The following SLC9D1 variants were observed in gnomAD, a reference collection of about 807,000 sequenced individuals.
SLC9D1 encodes solute carrier family 9 member D1.
At chr13:113,547,805 A>C in the SLC9D1 span, among the ~76,000 whole-genome samples, 1 of 152,208 alleles carries the variant, frequency 6.6e-6, no homozygotes, top group East Asian at 1.9e-4. Flanking sequence ...GTCAGCAACC[A>C]GTGGCTTTCT....
At chr13:113,538,768 G>A in the SLC9D1 span, among the ~76,000 whole-genome samples, 2 of 152,268 alleles carry the variant, frequency 1.3e-5, no homozygotes, top group African/African-American at 2.4e-5. Context: ...AGGTTGGCCG[G>A]TGTCAGCCGT....
the SLC9D1 span, among the ~76,000 whole-genome samples, chr13:113,516,695 T>C: frequency 6.6e-6 from 1 of 152,180 alleles, no homozygotes; most frequent in South Asian, 2.1e-4. Flanking sequence ...TACATGGATT[T>C]TGATGCAAAT....
At chr13:113,495,682 A>G in the SLC9D1 span, 12 of 1,611,812 alleles carry the variant, frequency 7.4e-6, no homozygotes, top group Non-Finnish European at 1.0e-5. Context: ...CGTGTGATCA[A>G]ACTGCACCGC....
the SLC9D1 span, chr13:113,499,999 A>G: frequency 3.2e-6 from 5 of 1,566,780 alleles, no homozygotes; most frequent in Non-Finnish European, 4.3e-6. Flanking sequence ...GGGTGGAGGA[A>G]GAAGAGGCCA....
chr13:113,535,260 G>C, the SLC9D1 span: 1 of 152,226 alleles, frequency 6.6e-6, no homozygotes, highest in South Asian at 2.1e-4. This position sits in a 1 kb window ranked among gnomAD's most constrained non-coding sequence, Gnocchi z 4.1. Flanking sequence ...CATGTGAAAG[G>C]TTAAAAAATA....
chr13:113,545,190 C>T, the SLC9D1 span, among the ~76,000 whole-genome samples: 1 of 152,264 alleles, frequency 6.6e-6, no homozygotes, highest in Non-Finnish European at 1.5e-5. Context: ...GCGTCCTTAG[C>T]AGCCCTGAAC....
chr13:113,506,344 T>TGGG, the SLC9D1 span, among the ~76,000 whole-genome samples: 5 of 89,870 alleles, frequency 5.6e-5, no homozygotes, highest in Admixed American at 4.7e-4. Flanking sequence ...TAAGGGGGTG[T>TGGG]CAGCCAGTGG....
the SLC9D1 span, chr13:113,520,545 A>C: frequency 7.5e-6 from 8 of 1,071,106 alleles, no homozygotes; most frequent in Admixed American, 1.6e-4. Flanking sequence ...AAGTGTGTAC[A>C]ATGGCAATAT....
chr13:113,493,836 G>T, the SLC9D1 span, among the ~76,000 whole-genome samples: 1 of 152,190 alleles, frequency 6.6e-6, no homozygotes, highest in Admixed American at 6.5e-5. Flanking sequence ...ACCTGCTGGG[G>T]TGCAGACAGT....
At chr13:113,520,483 CAAAAAAA>C in the SLC9D1 span, 9 of 366,488 alleles carry the variant, frequency 2.5e-5, no homozygotes, top group South Asian at 2.4e-4. Context: ...AACTCCATCT[CAAAAAAA>C]AAAAAAAAAA....
chr13:113,523,054 G>A, the SLC9D1 span, among the ~76,000 whole-genome samples: 28,072 of 151,544 alleles, frequency 0.19, 3,436 homozygotes, highest in African/African-American at 0.35. Flanking sequence ...GCTGCCTTCA[G>A]TTTGCTAATT....
At chr13:113,535,604 G>A in the SLC9D1 span, among the ~76,000 whole-genome samples, 1 of 152,160 alleles carries the variant, frequency 6.6e-6, no homozygotes, top group Non-Finnish European at 1.5e-5. The surrounding 1 kb of genome is among the most constrained non-coding windows in gnomAD (Gnocchi z 4.1). Context: ...TCCATACCAC[G>A]GAACGCCACC....
chr13:113,517,864 G>C, the SLC9D1 span, among the ~76,000 whole-genome samples: 4 of 150,202 alleles, frequency 2.7e-5, no homozygotes, highest in African/African-American at 4.9e-5. Flanking sequence ...CTTGTGGGGA[G>C]TGTGGGTGGA....
chr13:113,498,311 A>G, the SLC9D1 span: 1 of 1,460,968 alleles, frequency 6.8e-7, no homozygotes, highest in Admixed American at 2.6e-5. Flanking sequence ...TTCTTAATAT[A>G]TCTCACTCTT....
At chr13:113,548,529 G>C in the SLC9D1 span, 1 of 1,503,974 alleles carries the variant, frequency 6.6e-7, no homozygotes, top group Non-Finnish European at 8.9e-7. Flanking sequence ...TGTGGCGAAG[G>C]CGGCTCGGCA....
chr13:113,502,944 C>A, the SLC9D1 span, among the ~76,000 whole-genome samples: 202 of 152,340 alleles, frequency 1.3e-3, 2 homozygotes, highest in African/African-American at 4.7e-3. Context: ...GGCTGGCCGG[C>A]AGAGGAGCCG....
At chr13:113,503,345 TTGTG>T in the SLC9D1 span, 95,643 of 470,604 alleles carry the variant, frequency 0.2, 4,081 homozygotes, top group East Asian at 0.3. Flanking sequence ...CACTGTGTGA[TTGTG>T]TGTGTGTGTG....
At chr13:113,522,353 T>TTGC in the SLC9D1 span, among the ~76,000 whole-genome samples, 2 of 152,232 alleles carry the variant, frequency 1.3e-5, no homozygotes, top group African/African-American at 4.8e-5. Context: ...GTTGTTGTTG[T>TTGC]TGTTTGAGAC....
chr13:113,535,258 A>G, the SLC9D1 span: 1 of 152,356 alleles, frequency 6.6e-6, no homozygotes, highest in Non-Finnish European at 1.5e-5. The surrounding 1 kb of genome is among the most constrained non-coding windows in gnomAD (Gnocchi z 4.1). Context: ...GCCATGTGAA[A>G]GGTTAAAAAA....
Sources: allele counts gnomAD v4.1 joint callset (sites outside exome capture counted in the v4.1 genomes callset), GRCh38; gene constraint gnomAD v4.1.1; non-coding constraint Gnocchi (gnomAD v3.1); transcripts MANE v1.5; gene names NCBI Gene and HGNC (gene_info 2026-07-23, HGNC 2026-07-21).